PLB1: variants seen among roughly 807,000 people sequenced by gnomAD.
The protein encoded by PLB1 is phospholipase B1, membrane-associated.
A neutral mutation model predicts 227.4 loss-of-function variants in PLB1; 242 were observed. The observed-to-expected ratio is 1.06, with a 90% CI of 0.96 to 1.18. PLB1 has a LOEUF of 1.18. Among genes scored for constraint, PLB1 ranks in the 50% most tolerant of loss-of-function variants. The pLI is 0.00. For missense variants in PLB1, 1,858 were observed against 1,816.3 expected (o/e 1.02, Z -0.42); for synonymous variants, 757 against 682.2 (o/e 1.11, Z -1.71).
chr2:28,627,402 A>G (rs978918376), intron 51 of PLB1, among the ~76,000 whole-genome samples: 4 of 152,150 alleles, frequency 2.6e-5, no homozygotes, highest in Non-Finnish European at 4.4e-5. Flanking sequence ...AATGCCCTCT[A>G]CTAGTCCCAG....
chr2:28,594,267 G>A (rs939266889), intron 33 of PLB1: 50 of 271,398 alleles, frequency 1.8e-4, no homozygotes, highest in African/African-American at 1.1e-3. Context: ...TGAAAGATTA[G>A]CAATTCGACA....
In PLB1 at chr2:28,629,144, G is replaced by A; in HGVS notation, c.3777G>A (p.Leu1259=). The change falls in exon 53 of 58, where the codon CTG becomes CTA. Residue 1259 remains leucine, a synonymous_variant. Coordinates refer to ENST00000327757, the MANE Select transcript of PLB1 (RefSeq NM_153021.5). ...TGGAGGTCATGGAGCTGGCTAGCCT[G>A]TACCAGGGCCAAGGCGGGAAATGTG... ...NVVEVMELAS[L]YQGQGGKCAM... The A allele has an allele frequency of 6.2e-7, 1 of 1,613,866 alleles. No homozygotes were observed. The highest frequency in any genetic ancestry group is 8.5e-7 in the Non-Finnish European group (1 of 1,179,924).
intron 4 of PLB1, among the ~76,000 whole-genome samples, chr2:28,521,243 C>A (rs1220304515): frequency 6.6e-6 from 1 of 152,210 alleles, no homozygotes; most frequent in Non-Finnish European, 1.5e-5. Flanking sequence ...CTTGGGTGTA[C>A]AAATATCTGT....
Position 28,626,468 on chromosome 2 carries a change from T to G in PLB1, c.3620T>G (p.Phe1207Cys). Residue 1207 changes from phenylalanine (F) to cysteine (C), a missense_variant, in exon 51 of 58, where the codon TTC becomes TGC. By Grantham distance (205) the Phe-to-Cys change is radical. Coordinates refer to ENST00000327757, the MANE Select transcript of PLB1 (RefSeq NM_153021.5). Reference protein sequence around the residue: ...LEKDWKLVTLFIGVNDLCHYC... With the variant: ...LEKDWKLVTLCIGVNDLCHYC... ...AAAGACTGGAAGCTGGTCACACTCT[T>G]CATTGGGGTCAACGACTTGTGTCAT... The G allele has an allele frequency of 6.2e-7, 1 of 1,614,116 alleles. No homozygotes were observed. The highest frequency in any genetic ancestry group is 1.7e-5 in the Admixed American group (1 of 60,016).
At chr2:28,557,424 G>A (rs1282951806) in intron 17 of PLB1, among the ~76,000 whole-genome samples, 1 of 152,210 alleles carries the variant, frequency 6.6e-6, no homozygotes, top group Non-Finnish European at 1.5e-5. Flanking sequence ...ACGGCAAATA[G>A]GTTGGGCAAT....
chr2:28,529,406 G>A lies in PLB1; in HGVS notation c.415G>A (p.Glu139Lys). 6.3e-7 allele frequency: 1 copy of A among 1,593,106 alleles called. No individual in the cohort carries two copies. The highest frequency in any genetic ancestry group is 8.6e-7 in the Non-Finnish European group (1 of 1,160,918). ...GKRVIPHDGA[E>K]DLWIQAQELV... is the part of the protein sequence containing the mutation. ...GAGAGTCATACCCCACGATGGTGCT[G>A]AGTAAGTTCCCTTTCTGTCTCTCTC... The change falls in exon 7 of 58, where the codon GAA becomes AAA. Residue 139 changes from glutamate to lysine, a missense_variant and splice_region_variant. Transcript: ENST00000327757.
intron 9 of PLB1, among the ~76,000 whole-genome samples, chr2:28,533,846 T>G (rs1671332766): frequency 1.3e-5 from 2 of 152,266 alleles, no homozygotes; most frequent in South Asian, 4.1e-4. Flanking sequence ...CTTGAATACA[T>G]GTTGTATTCT....
intron 20 of PLB1, among the ~76,000 whole-genome samples, chr2:28,567,936 C>T (rs997152998): frequency 1.2e-4 from 19 of 152,094 alleles, no homozygotes; most frequent in African/African-American, 4.3e-4. Context: ...TTTAACTGGT[C>T]CCATTTTCAT....
intron 12 of PLB1, 51 bp downstream of exon 12, chr2:28,540,492 C>A: frequency 1.3e-6 from 2 of 1,512,580 alleles, no homozygotes; most frequent in Non-Finnish European, 1.8e-6. Flanking sequence ...GTGGCGTGGT[C>A]GCCAAGGAGA....
At chr2:28,533,971 G>T (rs1671346163) in intron 9 of PLB1, among the ~76,000 whole-genome samples, 1 of 152,022 alleles carries the variant, frequency 6.6e-6, no homozygotes, top group African/African-American at 2.4e-5. Context: ...GTATCCTTTT[G>T]GCCACCTCCC....
intron 14 of PLB1, among the ~76,000 whole-genome samples, chr2:28,544,752 C>T (rs1672990478): frequency 6.6e-6 from 1 of 152,030 alleles, no homozygotes; most frequent in African/African-American, 2.4e-5. Flanking sequence ...TCACGGAGGG[C>T]GTTCCCAGGC....
At chr2:28,581,482 C>CCA (rs1553439222) in intron 23 of PLB1, among the ~76,000 whole-genome samples, 58 of 58,310 alleles carry the variant, frequency 9.9e-4, no homozygotes, top group African/African-American at 5.0e-3. Flanking sequence ...GAGCTCCACG[C>CCA]AAAAAAATAA....
chr2:28,496,163 G>A lies in PLB1; in HGVS notation c.49G>A (p.Gly17Arg). ...IFLLELLLLL[G>R]QGTPQIHTSP... ...CCTCCTGGAGCTGCTGCTGCTTCTG[G>A]GGCAAGGTAAGCGTGCCTTTTGCTC... The change falls in exon 1 of 58, where the codon GGG becomes AGG. Residue 17 changes from glycine to arginine, a missense_variant. Coordinates refer to ENST00000327757, the MANE Select transcript of PLB1 (RefSeq NM_153021.5). The A allele has an allele frequency of 6.2e-7, 1 of 1,614,020 alleles. No homozygotes were observed. Among genetic ancestry groups the A allele is most frequent in the Non-Finnish European group, 8.5e-7 (1 of 1,179,938 alleles).
intron 1 of PLB1, among the ~76,000 whole-genome samples, chr2:28,511,125 A>G (rs1203295172): frequency 2.0e-5 from 3 of 152,222 alleles, no homozygotes; most frequent in African/African-American, 7.2e-5. Flanking sequence ...GGAAAATCTT[A>G]TAACAGTTTA....
chr2:28,624,789 T>C (rs1254655493), intron 49 of PLB1, among the ~76,000 whole-genome samples: 1 of 2,870 alleles, frequency 3.5e-4, no homozygotes, highest in Non-Finnish European at 6.1e-4. Flanking sequence ...TGAGGAAGTA[T>C]AAGGGAAAGT....
intron 11 of PLB1, among the ~76,000 whole-genome samples, chr2:28,539,722 C>T (rs1672201270): frequency 6.6e-6 from 1 of 151,704 alleles, no homozygotes; most frequent in Admixed American, 6.6e-5. Flanking sequence ...AAGTGGGGTG[C>T]TGGGGAAGGA....
chr2:28,548,755 G>T (rs554777296), intron 14 of PLB1, 105 bp from the exon 15 acceptor site: 6 of 1,063,012 alleles, frequency 5.6e-6, no homozygotes, highest in Non-Finnish European at 8.6e-6. Context: ...TTTCTAATGC[G>T]TTCCCTGGTA....
At chr2:28,567,390 T>G (rs1416903897) in intron 20 of PLB1, among the ~76,000 whole-genome samples, 1 of 151,754 alleles carries the variant, frequency 6.6e-6, no homozygotes, top group African/African-American at 2.4e-5. Context: ...TTGTGCAGGC[T>G]GTGCAGACAC....
intron 56 of PLB1, among the ~76,000 whole-genome samples, chr2:28,635,755 CCTTCTTCTGT>C (rs1460002038): frequency 3.3e-5 from 5 of 152,230 alleles, no homozygotes; most frequent in East Asian, 1.9e-4. Flanking sequence ...TCTTCCTCTG[CCTTCTTCTGT>C]CTTCTTATCT....
Sources: gnomAD v4.1 joint callset for allele counts (sites outside exome capture counted in the v4.1 genomes callset) on GRCh38, gnomAD v4.1.1 for gene constraint, MANE v1.5 for transcripts, NCBI Gene and HGNC (gene_info 2026-07-23, HGNC 2026-07-21) for gene names.